The following TLL2 variants were observed in gnomAD, a reference collection of about 807,000 sequenced individuals.
TLL2 encodes the protein tolloid-like protein 2.
TLL2 carries 106 observed loss-of-function variants against 123.0 expected under a neutral mutation model. That is an observed-to-expected ratio of 0.86 (90% confidence interval 0.74 to 1.01). The LOEUF (loss-of-function observed/expected upper bound fraction) is 1.01, where lower values mean the gene tolerates loss of function less well. Among genes scored for constraint, TLL2 ranks in the 50% least tolerant of loss-of-function variants. TLL2 has a pLI of 0.00. For synonymous variants in TLL2, 494 were observed against 516.8 expected, an observed-to-expected ratio of 0.96 and a Z score of 0.60; for missense variants, 1,332 against 1,336.7, an observed-to-expected ratio of 1.00 and a Z score of 0.06.
intron 2 of TLL2, among the ~76,000 whole-genome samples, chr10:96,449,411 G>A (rs980838642): frequency 1.3e-5 from 2 of 152,214 alleles, no homozygotes; most frequent in African/African-American, 4.8e-5. Flanking sequence ...TGAAGTCATG[G>A]GTCTAGCTCA....
intron 2 of TLL2, among the ~76,000 whole-genome samples, chr10:96,449,624 C>G (rs544446016): frequency 4.4e-4 from 67 of 152,324 alleles, no homozygotes; most frequent in African/African-American, 1.5e-3. Context: ...ATGGCTCCCC[C>G]CTGCCCTTGG....
chr10:96,493,820 G>A (rs551248184), intron 1 of TLL2, among the ~76,000 whole-genome samples: 6 of 152,276 alleles, frequency 3.9e-5, no homozygotes, highest in African/African-American at 9.6e-5. Context: ...CCCCGAATCC[G>A]TGAGTGAACA....
Position 96,386,358 on chromosome 10 carries a change from G to T in TLL2, c.1853-143C>A, listed in dbSNP as rs377306629. 2.4e-5 allele frequency: 20 copies of T among 845,372 alleles called. No individual in the cohort carries two copies. The African/African-American group carries it at 3.1e-4, about 13-fold the overall frequency. The allele number at this position is 845,372 out of a possible 1,614,324, so 52.4% of individuals were successfully genotyped here. ...TGAACTGATTAATTCAGTGTCCTTT[G>T]TTCAAAACTAATGGTTTCAACTGAA... On this transcript the variant is annotated intron_variant, in intron 14 of 20. Transcript: ENST00000357947.
intron 1 of TLL2, among the ~76,000 whole-genome samples, chr10:96,490,186 GTAAAATTCTAC>G (rs1217662773): frequency 6.6e-6 from 1 of 152,142 alleles, no homozygotes; most frequent in East Asian, 1.9e-4. Flanking sequence ...GTCAGGAAAT[GTAAAATTCTAC>G]TAAAAGCTAT....
intron 3 of TLL2, among the ~76,000 whole-genome samples, chr10:96,434,231 G>A (rs1175819170): frequency 1.3e-5 from 2 of 152,030 alleles, no homozygotes; most frequent in African/African-American, 2.4e-5. Flanking sequence ...GCCTTTTAAA[G>A]TATACCATTC....
At chr10:96,377,324 A>G (rs1815650493) in intron 17 of TLL2, among the ~76,000 whole-genome samples, 1 of 152,194 alleles carries the variant, frequency 6.6e-6, no homozygotes, top group African/African-American at 2.4e-5. Context: ...TTCATCATCC[A>G]TCCATAAGCT....
Position 96,379,084 on chromosome 10 carries a change from C to T in TLL2, c.2203G>A (p.Glu735Lys), listed in dbSNP as rs753454072. Residue 735 changes from glutamate to lysine, a missense_variant, in exon 17 of 21, where the codon GAG becomes AAG. By Grantham distance (56) the Glu-to-Lys change is moderately conservative. Transcript: ENST00000357947. ...CACCCGCCGTTGTCCTTGGCACACT[C>T]GTCCTTATCTGGGGAGATCAATGAA... ...FRAHFFSDKD[E>K]CAKDNGGCQH... 2.3e-5 allele frequency: 37 copies of T among 1,613,958 alleles called. No homozygotes were observed. Among genetic ancestry groups the T allele is most frequent in the Non-Finnish European group, 3.0e-5 (35 of 1,179,936 alleles).
intron 2 of TLL2, among the ~76,000 whole-genome samples, chr10:96,447,127 T>C (rs12413182): frequency 0.13 from 19,926 of 152,068 alleles, 1,453 homozygotes; most frequent in South Asian, 0.17. Flanking sequence ...GATCTGGCCA[T>C]GTGGAGATCT....
At chr10:96,425,508 C>CT (rs550889309) in intron 5 of TLL2, among the ~76,000 whole-genome samples, 18 of 144,440 alleles carry the variant, frequency 1.2e-4, no homozygotes, top group Admixed American at 1.4e-4. Context: ...TCTATTTTTA[C>CT]TTTTTTTTTT....
At chr10:96,371,792 GC>G (rs1846087354) in intron 19 of TLL2, among the ~76,000 whole-genome samples, 1 of 152,198 alleles carries the variant, frequency 6.6e-6, no homozygotes, top group African/African-American at 2.4e-5. Flanking sequence ...GCCATGGGGA[GC>G]ACCAGCAGAT....
At chr10:96,485,872 G>A (rs903611422) in intron 1 of TLL2, among the ~76,000 whole-genome samples, 2 of 152,272 alleles carry the variant, frequency 1.3e-5, no homozygotes, top group Middle Eastern at 3.4e-3. Context: ...ACGGTGCAGC[G>A]CCATTTTTCC....
chr10:96,430,884 A>T (rs1160633548), intron 4 of TLL2, among the ~76,000 whole-genome samples: 1 of 152,236 alleles, frequency 6.6e-6, no homozygotes, highest in Non-Finnish European at 1.5e-5. Flanking sequence ...CCTGTCTCAA[A>T]AAAATAAAAG....
In TLL2 at chr10:96,428,745, C is replaced by T; in HGVS notation, c.524G>A (p.Ser175Asn). Residue 175 changes from serine to asparagine, a missense_variant, in exon 5 of 21, where the codon AGC (serine) becomes AAC (asparagine). Coordinates refer to ENST00000357947, the MANE Select transcript of TLL2 (RefSeq NM_012465.4). ...PYVIGGNFTG[S>N]QRAIFKQAMR... ...GGCCTGCTTAAAAATGGCCCTCTGG[C>T]TCCCTGAAACAACAGGGCAAGCACT... 1 of 1,607,862 alleles carries T rather than the reference C, an allele frequency of 6.2e-7. No individual in the cohort carries two copies.
At chr10:96,398,168 G>T (rs1846358802) in intron 10 of TLL2, among the ~76,000 whole-genome samples, 1 of 152,174 alleles carries the variant, frequency 6.6e-6, no homozygotes, top group Non-Finnish European at 1.5e-5. Flanking sequence ...CCCAAGAGGG[G>T]GATGGAAGTG....
intron 2 of TLL2, among the ~76,000 whole-genome samples, chr10:96,479,960 T>C (rs1847295406): frequency 6.6e-6 from 1 of 152,218 alleles, no homozygotes; most frequent in South Asian, 2.1e-4. Flanking sequence ...CCAGGCAGGC[T>C]TCTCCACTCA....
intron 1 of TLL2, among the ~76,000 whole-genome samples, chr10:96,506,815 G>A (rs867894641): frequency 1.3e-5 from 2 of 152,110 alleles, no homozygotes; most frequent in Admixed American, 6.5e-5. Flanking sequence ...TACTGGGCGG[G>A]AGAGAAAAGG....
intron 2 of TLL2, among the ~76,000 whole-genome samples, chr10:96,454,359 G>T (rs1168033065): frequency 6.6e-6 from 1 of 152,174 alleles, no homozygotes; most frequent in African/African-American, 2.4e-5. Flanking sequence ...ATTTGCTCCT[G>T]CCCCCAGGCA....
chr10:96,452,756 G>T (rs1846973990), intron 2 of TLL2, among the ~76,000 whole-genome samples: 1 of 152,172 alleles, frequency 6.6e-6, no homozygotes, highest in African/African-American at 2.4e-5. Flanking sequence ...GAAGGGCAAT[G>T]AATGAATGAA....
intron 5 of TLL2, 30 bp downstream of exon 5, chr10:96,428,601 G>T (rs1846701997): frequency 7.0e-7 from 1 of 1,431,338 alleles, no homozygotes; most frequent in Non-Finnish European, 9.8e-7. Context: ...GACTGATTCT[G>T]CAGAGGTGGC....
Sources: gnomAD v4.1 joint callset for allele counts (sites outside exome capture counted in the v4.1 genomes callset) on GRCh38, gnomAD v4.1.1 for gene constraint, MANE v1.5 for transcripts, NCBI Gene and HGNC (gene_info 2026-07-23, HGNC 2026-07-21) for gene names.